Variants in NHS observed in about 807,000 individuals in gnomAD.
The protein encoded by NHS is actin remodeling regulator NHS.
A neutral mutation model predicts 72.5 loss-of-function variants in NHS; 5 were observed. That is an observed-to-expected ratio of 0.07 (90% CI 0.04 to 0.14). NHS has a LOEUF of 0.14. NHS is among the 10% of genes least tolerant of loss of function. The probability of loss-of-function intolerance (pLI) is 1.00; values close to 1 mark genes in which losing one functional copy is unlikely to be tolerated. For synonymous variants in NHS, 464 were observed against 547.7 expected (o/e 0.85, Z 2.13); for missense variants, 1,072 against 1,355.7 (o/e 0.79, Z 3.29).
chrX:17,633,080 G>C (rs778199994), intron 1 of NHS, among the ~76,000 whole-genome samples: 15 of 103,916 alleles, frequency 1.4e-4, no homozygotes, highest in Non-Finnish European at 2.0e-5. Context: ...AAGGGTTTTT[G>C]TTTTTTTTTT....
chrX:17,541,577 T>C (rs2065263149), intron 1 of NHS, among the ~76,000 whole-genome samples: 1 of 111,501 alleles, frequency 9.0e-6, no homozygotes, highest in African/African-American at 3.3e-5. Context: ...CACATGTTAA[T>C]AAAATATAAA....
chrX:17,657,913 A>C (rs1324346145), intron 1 of NHS, among the ~76,000 whole-genome samples: 1 of 112,969 alleles, frequency 8.9e-6, no homozygotes, highest in Admixed American at 9.3e-5. Context: ...TGTTCATAGC[A>C]GCTGGGCTAC....
intron 1 of NHS, among the ~76,000 whole-genome samples, chrX:17,386,535 G>A (rs1049638173): frequency 6.4e-5 from 7 of 109,559 alleles, no homozygotes; most frequent in East Asian, 2.9e-4. Context: ...GGTGGCATGC[G>A]CCTGTAATCC....
intron 1 of NHS, among the ~76,000 whole-genome samples, chrX:17,546,474 A>G (rs1432183634): frequency 8.9e-6 from 1 of 112,478 alleles, no homozygotes; most frequent in African/African-American, 3.2e-5. Flanking sequence ...TTTTGGCTAC[A>G]TGGTGCAACC....
chrX:17,595,711 CT>C (rs2065621501), intron 1 of NHS, among the ~76,000 whole-genome samples: 1 of 112,126 alleles, frequency 8.9e-6, no homozygotes, highest in African/African-American at 3.2e-5. Context: ...CGGATGTGGG[CT>C]TTTTTCTTGC....
At chrX:17,497,664 A>G (rs1171290194) in intron 1 of NHS, among the ~76,000 whole-genome samples, 1 of 112,151 alleles carries the variant, frequency 8.9e-6, no homozygotes, top group African/African-American at 3.2e-5. Context: ...GTATATATTC[A>G]ATAATAGTAT....
intron 1 of NHS, among the ~76,000 whole-genome samples, chrX:17,381,557 T>C (rs1339957832): frequency 8.9e-6 from 1 of 112,573 alleles, no homozygotes; most frequent in Non-Finnish European, 1.9e-5. Context: ...TCATATATAC[T>C]TCTTTCTAGC....
intron 1 of NHS, among the ~76,000 whole-genome samples, chrX:17,486,529 G>A (rs1010127718): frequency 1.8e-5 from 2 of 111,262 alleles, no homozygotes; most frequent in African/African-American, 6.6e-5. Flanking sequence ...CTGGGACAGT[G>A]GGCTCTCCAG....
At chrX:17,478,382 T>C (rs770156293) in intron 1 of NHS, among the ~76,000 whole-genome samples, 23 of 112,285 alleles carry the variant, frequency 2.0e-4, no homozygotes, top group Non-Finnish European at 4.3e-4. Context: ...GTTGTTAATA[T>C]AATCCATTTT....
At chrX:17,380,872 A>G (rs1459714433) in intron 1 of NHS, among the ~76,000 whole-genome samples, 2 of 111,630 alleles carry the variant, frequency 1.8e-5, no homozygotes, top group East Asian at 5.7e-4. Flanking sequence ...GCACCATTTC[A>G]TCCATGGCCG....
chrX:17,499,632 C>A (rs774043402), intron 1 of NHS, among the ~76,000 whole-genome samples: 9 of 111,213 alleles, frequency 8.1e-5, no homozygotes, highest in African/African-American at 2.6e-4. Context: ...ATGAAGGAAG[C>A]TGAATGGGGC....
chrX:17,724,368 G>A lies in NHS; in HGVS notation c.1178G>A (p.Arg393Lys). 4 of 1,211,861 alleles carry A rather than the reference G, an allele frequency of 3.3e-6. No homozygotes were observed. The highest frequency in any genetic ancestry group is 4.5e-6 in the Non-Finnish European group (4 of 895,496). The part of the protein sequence containing the change: ...LVHSQSVLQR[R>K]RKLRRRKTIS... ...CATTCACAATCGGTACTACAGCGGA[G>A]ACGAAAATTGAGGAGGAGGAAAACC... Residue 393 changes from arginine to lysine, a missense_variant, in exon 6 of 9, where the codon AGA becomes AAA. Arg to Lys is a conservative substitution (Grantham distance 26, BLOSUM62 2). Transcript: ENST00000676302.
intron 1 of NHS, among the ~76,000 whole-genome samples, chrX:17,440,779 T>C (rs2064748779): frequency 8.9e-6 from 1 of 112,068 alleles, no homozygotes; most frequent in African/African-American, 3.2e-5. Context: ...CTTTTTGGAA[T>C]CCATTAATAA....
intron 1 of NHS, among the ~76,000 whole-genome samples, chrX:17,582,583 A>T (rs1016769453): frequency 9.0e-6 from 1 of 111,638 alleles, no homozygotes; most frequent in African/African-American, 3.3e-5. Flanking sequence ...CTCTTCAGAC[A>T]TGGAGGACAG....
chrX:17,459,136 T>A (rs1406326330), intron 1 of NHS, among the ~76,000 whole-genome samples: 3 of 112,800 alleles, frequency 2.7e-5, no homozygotes, highest in Non-Finnish European at 5.6e-5. Context: ...ATTGCATACA[T>A]AAATTACTGT....
intron 1 of NHS, among the ~76,000 whole-genome samples, chrX:17,500,119 C>T (rs2065030664): frequency 8.9e-6 from 1 of 112,278 alleles, no homozygotes; most frequent in Non-Finnish European, 1.9e-5. Flanking sequence ...TCCTCCGTGC[C>T]TGTAAACCAC....
chrX:17,652,801 G>T lies in NHS; in HGVS notation c.566-34941G>T, dbSNP rs770498688. Reference sequence around the variant, plus strand: ...ATCAATTTGCTAATTATCCTATTTTGATCATTTCACATTGTACACATGTAT... The same window carrying T: ...ATCAATTTGCTAATTATCCTATTTTTATCATTTCACATTGTACACATGTAT... On this transcript the variant is annotated intron_variant, in intron 1 of 8. Transcript: ENST00000676302. 8.9e-5 allele frequency among the ~76,000 whole-genome samples: 10 copies of T among 111,775 alleles called. No homozygotes were observed. In the South Asian group the frequency reaches 3.0e-3, roughly 34 times the overall value.
chrX:17,599,909 A>G (rs2065641218), intron 1 of NHS, among the ~76,000 whole-genome samples: 2 of 111,086 alleles, frequency 1.8e-5, no homozygotes, highest in Non-Finnish European at 3.8e-5. Flanking sequence ...TCCCCACACT[A>G]AGAATCAAAA....
At chrX:17,621,281 A>C (rs895944781) in intron 1 of NHS, among the ~76,000 whole-genome samples, 1 of 111,987 alleles carries the variant, frequency 8.9e-6, no homozygotes, top group Non-Finnish European at 1.9e-5. Flanking sequence ...ATAGGTGTCC[A>C]CCTCTGAGAC....
Sources: allele counts gnomAD v4.1 joint callset (sites outside exome capture counted in the v4.1 genomes callset), GRCh38; gene constraint gnomAD v4.1.1; transcripts MANE v1.5; gene names NCBI Gene and HGNC (gene_info 2026-07-23, HGNC 2026-07-21).